CCSER1: variants seen among roughly 807,000 people sequenced by gnomAD.
The protein encoded by CCSER1 is serine-rich coiled-coil domain-containing protein 1.
CCSER1 carries 41 observed loss-of-function variants against 82.0 expected under a neutral mutation model. The ratio of observed to expected loss-of-function variants is 0.50; its 90% CI spans 0.39 to 0.65. The LOEUF (loss-of-function observed/expected upper bound fraction) is 0.65. Among genes scored for constraint, CCSER1 ranks in the 30% least tolerant of loss-of-function variants. The pLI, the probability that CCSER1 is intolerant of heterozygous loss-of-function variation, is 0.00. For synonymous variants in CCSER1, 414 were observed against 383.9 expected, an observed-to-expected ratio of 1.08 and a Z score of -0.92; for missense variants, 1,119 against 1,064.2, an observed-to-expected ratio of 1.05 and a Z score of -0.72.
chr4:90,875,574 A>G (rs1272552690), intron 8 of CCSER1, among the ~76,000 whole-genome samples: 1 of 152,196 alleles, frequency 6.6e-6, no homozygotes, highest in Non-Finnish European at 1.5e-5. Context: ...GATATGTGAC[A>G]TTTTATAGGC....
chr4:90,840,198 A>T (rs556442466), intron 8 of CCSER1, among the ~76,000 whole-genome samples: 6 of 152,246 alleles, frequency 3.9e-5, no homozygotes, highest in Admixed American at 1.3e-4. Context: ...GTAGAGAGAA[A>T]AATTTTAAAT....
intron 3 of CCSER1, among the ~76,000 whole-genome samples, chr4:90,359,220 G>A (rs1744868113): frequency 6.6e-6 from 1 of 151,990 alleles, no homozygotes; most frequent in Non-Finnish European, 1.5e-5. Context: ...TTAGTCCACA[G>A]TACTCAAAAA....
At chr4:91,415,055 A>T (rs1753273799) in intron 10 of CCSER1, among the ~76,000 whole-genome samples, 1 of 152,180 alleles carries the variant, frequency 6.6e-6, no homozygotes, top group East Asian at 1.9e-4. Flanking sequence ...GAAGCAGTGG[A>T]CTTGAATAGT....
chr4:90,861,422 C>G (rs1276235231), intron 8 of CCSER1, among the ~76,000 whole-genome samples: 1 of 151,660 alleles, frequency 6.6e-6, no homozygotes, highest in African/African-American at 2.4e-5. Flanking sequence ...AAACATGCAG[C>G]TATAGGATTA....
At chr4:90,794,634 T>C (rs1018827366) in intron 7 of CCSER1, among the ~76,000 whole-genome samples, 1 of 151,974 alleles carries the variant, frequency 6.6e-6, no homozygotes, top group Non-Finnish European at 1.5e-5. Flanking sequence ...CAATTGCCTT[T>C]GATATTCAGG....
chr4:91,185,530 C>A (rs1272830064), intron 10 of CCSER1, among the ~76,000 whole-genome samples: 3 of 152,162 alleles, frequency 2.0e-5, no homozygotes, highest in Non-Finnish European at 4.4e-5. Flanking sequence ...TGCAGTGCTA[C>A]CGGCTGTGGC....
At position 91,225,152 on chromosome 4, in the gene CCSER1, TATG is replaced by T. The variant is rs1738042567; in HGVS notation, c.2217+139161_2217+139163del. ...TAGAGTTTTACCTGGAAACAAGAAA[TATG>T]ATATATATATGTGTGTGTGTATATA... On this transcript the variant is annotated intron_variant, in intron 10 of 10. Transcript: ENST00000509176. 5.5e-5 allele frequency among the ~76,000 whole-genome samples: 6 copies of T among 108,584 alleles called. No homozygotes were observed. In the East Asian group the frequency reaches 1.2e-3, roughly 22 times the overall value. The allele number at this position is 108,584 out of a possible 152,430, so 71.2% of individuals were successfully genotyped here.
chr4:91,142,675 T>A (rs1168420611), intron 10 of CCSER1, among the ~76,000 whole-genome samples: 8 of 152,052 alleles, frequency 5.3e-5, no homozygotes, highest in Non-Finnish European at 7.4e-5. Context: ...AAAGTAGGAG[T>A]TTAGTTTCTT....
chr4:90,472,338 A>T (rs1195651033), intron 5 of CCSER1, among the ~76,000 whole-genome samples: 1 of 152,160 alleles, frequency 6.6e-6, no homozygotes, highest in Admixed American at 6.6e-5. Flanking sequence ...GTATTATCTA[A>T]CCAATGTTTA....
At position 90,874,633 on chromosome 4, in the gene CCSER1, A is replaced by C. The variant is rs548044721; in HGVS notation, c.2095-48737A>C. On this transcript the variant is annotated intron_variant, in intron 8 of 10. Transcript: ENST00000509176. ...GTATTTCACAAAAAACGAATTCAACAAATGCTTATAGATGACTTTTGTATT... is the reference window on the plus strand; with the variant it reads ...GTATTTCACAAAAAACGAATTCAACCAATGCTTATAGATGACTTTTGTATT... Among the ~76,000 whole-genome samples, 5 of 152,314 alleles carry C rather than the reference A, an allele frequency of 3.3e-5. No homozygotes were observed. The South Asian group carries it at 1.0e-3, about 32-fold the overall frequency.
At chr4:90,601,399 G>C (rs989710734) in intron 5 of CCSER1, among the ~76,000 whole-genome samples, 1 of 151,640 alleles carries the variant, frequency 6.6e-6, no homozygotes, top group African/African-American at 2.4e-5. Flanking sequence ...ATGAATATTG[G>C]AAAAAAAGGC....
intron 10 of CCSER1, among the ~76,000 whole-genome samples, chr4:91,429,232 T>C (rs1406859163): frequency 3.9e-5 from 6 of 151,986 alleles, no homozygotes; most frequent in African/African-American, 1.4e-4. Context: ...GTTTTGGTCT[T>C]TCAGAGACAT....
intron 1 of CCSER1, among the ~76,000 whole-genome samples, chr4:90,166,405 A>G (rs1730458811): frequency 6.6e-6 from 1 of 152,036 alleles, no homozygotes; most frequent in African/African-American, 2.4e-5. Context: ...GACATAGAGT[A>G]AAAAAGTAGG....
At chr4:90,377,748 C>A (rs1202800667) in intron 3 of CCSER1, among the ~76,000 whole-genome samples, 1 of 151,976 alleles carries the variant, frequency 6.6e-6, no homozygotes, top group Non-Finnish European at 1.5e-5. Context: ...TGTAATATTT[C>A]ATAATAGATC....
intron 5 of CCSER1, among the ~76,000 whole-genome samples, chr4:90,530,959 C>G (rs368237316): frequency 2.3e-4 from 35 of 152,272 alleles, no homozygotes; most frequent in East Asian, 1.5e-3. Flanking sequence ...CTGTCAGAAG[C>G]AAATATTTTA....
intron 10 of CCSER1, among the ~76,000 whole-genome samples, chr4:91,270,053 A>G (rs1161046493): frequency 6.6e-6 from 1 of 152,206 alleles, no homozygotes; most frequent in Non-Finnish European, 1.5e-5. Context: ...AGAGATATTA[A>G]TGTCTTTGAT....
intron 3 of CCSER1, among the ~76,000 whole-genome samples, chr4:90,322,576 G>A (rs1207614778): frequency 1.3e-5 from 2 of 151,948 alleles, no homozygotes; most frequent in Non-Finnish European, 2.9e-5. Context: ...AGGTAAGTGT[G>A]GATATTTTAA....
intron 5 of CCSER1, among the ~76,000 whole-genome samples, chr4:90,490,172 C>T (rs995417315): frequency 6.6e-6 from 1 of 152,144 alleles, no homozygotes; most frequent in Non-Finnish European, 1.5e-5. Context: ...TCCACATCCT[C>T]TCCAGCACCT....
At chr4:90,505,489 C>T (rs1770559508) in intron 5 of CCSER1, among the ~76,000 whole-genome samples, 1 of 152,184 alleles carries the variant, frequency 6.6e-6, no homozygotes, top group South Asian at 2.1e-4. Context: ...TGGGGGATGT[C>T]TCCATTGTCA....
Sources: allele counts gnomAD v4.1 joint callset (sites outside exome capture counted in the v4.1 genomes callset), GRCh38; gene constraint gnomAD v4.1.1; transcripts MANE v1.5; gene names NCBI Gene and HGNC (gene_info 2026-07-23, HGNC 2026-07-21).